The following CHRM3 variants were observed in gnomAD, a reference collection of about 807,000 sequenced individuals.
CHRM3 encodes the protein cholinergic receptor muscarinic 3, also known as muscarinic acetylcholine receptor M3.
A neutral mutation model predicts 41.8 loss-of-function variants in CHRM3; 11 were observed. The observed-to-expected ratio is 0.26, with a 90% CI of 0.17 to 0.44. The LOEUF is 0.44. Ranked by LOEUF, CHRM3 falls within the 20% of genes least tolerant of loss-of-function variation. The probability of loss-of-function intolerance (pLI) is 1.00; values close to 1 mark genes in which losing one functional copy is unlikely to be tolerated. For synonymous variants in CHRM3, 297 were observed against 301.4 expected (o/e 0.99, Z 0.15); for missense variants, 571 against 745.4 (o/e 0.77, Z 2.72).
At chr1:239,601,803 T>C (rs1665573192) in intron 3 of CHRM3, among the ~76,000 whole-genome samples, 1 of 152,106 alleles carries the variant, frequency 6.6e-6, no homozygotes, top group Admixed American at 6.5e-5. Flanking sequence ...TGTTTTCTGT[T>C]TCTGTGCTTT....
rs1339415581 is a variant in CHRM3 at position 239,912,190 on chromosome 1, A to G, written c.*2966A>G. 2.4e-5 allele frequency: 4 copies of G among 164,432 alleles called. No individual in the cohort carries two copies. Among genetic ancestry groups the G allele is most frequent in the Non-Finnish European group, 1.5e-5 (1 of 67,454 alleles). 10.2% of individuals were successfully genotyped at this position (164,432 alleles called of 1,614,324 possible). Reference sequence around the variant, plus strand: ...TCTTCTTCCTTCTCTCTCTCTCACAAGCACACACACACACACTCAATCTCC... The same window carrying G: ...TCTTCTTCCTTCTCTCTCTCTCACAGGCACACACACACACACTCAATCTCC... On this transcript the variant is annotated 3_prime_UTR_variant, in exon 7 of 7. Transcript: ENST00000676153.
chr1:239,877,203 G>A (rs186568470), intron 6 of CHRM3, among the ~76,000 whole-genome samples: 1 of 152,206 alleles, frequency 6.6e-6, no homozygotes, highest in Admixed American at 6.5e-5. Context: ...GAAACTAATT[G>A]AAAGTTTTTT....
chr1:239,464,657 G>A (rs759985253), intron 1 of CHRM3, among the ~76,000 whole-genome samples: 1 of 152,110 alleles, frequency 6.6e-6, no homozygotes, highest in African/African-American at 2.4e-5. Context: ...TTGCATATGG[G>A]CAGGCTCTGG....
chr1:239,736,553 G>A (rs1664410739), intron 5 of CHRM3, among the ~76,000 whole-genome samples: 1 of 152,064 alleles, frequency 6.6e-6, no homozygotes, highest in African/African-American at 2.4e-5. Context: ...ATTTCAGGAT[G>A]TATTATCGGA....
chr1:239,881,054 T>G (rs369128492), intron 6 of CHRM3, among the ~76,000 whole-genome samples: 8 of 151,614 alleles, frequency 5.3e-5, no homozygotes, highest in African/African-American at 1.9e-4. Flanking sequence ...GAGACCGAGG[T>G]GGGCGGATCA....
intron 5 of CHRM3, among the ~76,000 whole-genome samples, chr1:239,743,732 T>G (rs1304355408): frequency 2.6e-5 from 4 of 151,134 alleles, no homozygotes; most frequent in African/African-American, 9.7e-5. Flanking sequence ...AACTAATAAC[T>G]CAGTTTCTCC....
intron 5 of CHRM3, among the ~76,000 whole-genome samples, chr1:239,785,923 T>C (rs542712965): frequency 3.2e-4 from 48 of 152,294 alleles, no homozygotes; most frequent in African/African-American, 1.2e-3. Flanking sequence ...TTATATGTGT[T>C]TAAAATTCTG....
intron 5 of CHRM3, chr1:239,704,839 C>T (rs555809168): frequency 3.8e-4 from 58 of 152,284 alleles, no homozygotes; most frequent in African/African-American, 1.3e-3. Context: ...CGAAAGTCTT[C>T]TTTGGGCTAA....
At chr1:239,818,361 C>CT (rs1391228273) in intron 5 of CHRM3, among the ~76,000 whole-genome samples, 2 of 152,196 alleles carry the variant, frequency 1.3e-5, no homozygotes, top group African/African-American at 4.8e-5. Context: ...GGTCTTCAAA[C>CT]TATGAATTTT....
intron 1 of CHRM3, among the ~76,000 whole-genome samples, chr1:239,392,653 C>G (rs2102923918): frequency 6.6e-6 from 1 of 152,298 alleles, no homozygotes; most frequent in South Asian, 2.1e-4. Flanking sequence ...GTGTACTTCC[C>G]TGCATTTATG....
At chr1:239,661,994 A>G (rs776070189) in intron 4 of CHRM3, among the ~76,000 whole-genome samples, 8 of 152,108 alleles carry the variant, frequency 5.3e-5, no homozygotes, top group Non-Finnish European at 8.8e-5. Context: ...AATAATAAAT[A>G]AATAATAAAG....
chr1:239,397,571 C>T (rs1659594714), intron 1 of CHRM3, among the ~76,000 whole-genome samples: 1 of 151,758 alleles, frequency 6.6e-6, no homozygotes, highest in South Asian at 2.1e-4. Flanking sequence ...ACTTGGGAGG[C>T]TGAGGCAGGA....
chr1:239,612,641 A>G (rs139387437), intron 3 of CHRM3, among the ~76,000 whole-genome samples: 2 of 152,318 alleles, frequency 1.3e-5, no homozygotes, highest in Non-Finnish European at 2.9e-5. Flanking sequence ...GTGAATTGCT[A>G]GTTTTCTTCT....
chr1:239,668,484 A>G (rs1674046650), intron 4 of CHRM3, among the ~76,000 whole-genome samples: 1 of 152,200 alleles, frequency 6.6e-6, no homozygotes, highest in South Asian at 2.1e-4. Flanking sequence ...CCTTTTACAT[A>G]AAGACCATCT....
chr1:239,407,258 C>T (rs776290989), intron 1 of CHRM3, among the ~76,000 whole-genome samples: 4 of 152,060 alleles, frequency 2.6e-5, no homozygotes, highest in Admixed American at 6.6e-5. Flanking sequence ...AAGTGGCATG[C>T]GTCACTTTCA....
chr1:239,535,151 C>T (rs1015611066), intron 2 of CHRM3, among the ~76,000 whole-genome samples: 1 of 152,074 alleles, frequency 6.6e-6, no homozygotes, highest in Non-Finnish European at 1.5e-5. Flanking sequence ...ATTCAGCACA[C>T]AGTGTTTGCT....
intron 2 of CHRM3, among the ~76,000 whole-genome samples, chr1:239,523,609 T>A (rs1669798325): frequency 6.6e-6 from 1 of 152,210 alleles, no homozygotes; most frequent in Non-Finnish European, 1.5e-5. Flanking sequence ...TCTCTTGTTG[T>A]CATATTAATT....
intron 5 of CHRM3, among the ~76,000 whole-genome samples, chr1:239,709,654 T>C (rs1661563443): frequency 6.6e-6 from 1 of 152,188 alleles, no homozygotes; most frequent in African/African-American, 2.4e-5. Context: ...CTTTAACCTG[T>C]TGTCACTAGC....
At chr1:239,429,867 G>A (rs888834390) in intron 1 of CHRM3, among the ~76,000 whole-genome samples, 6 of 146,322 alleles carry the variant, frequency 4.1e-5, no homozygotes, top group South Asian at 2.2e-4. Context: ...GGGTTCTGCC[G>A]TCTTTATGCT....
Sources: gnomAD v4.1 joint callset for allele counts (sites outside exome capture counted in the v4.1 genomes callset) on GRCh38, gnomAD v4.1.1 for gene constraint, MANE v1.5 for transcripts, NCBI Gene and HGNC (gene_info 2026-07-23, HGNC 2026-07-21) for gene names.